Variants in TBC1D32 observed in about 807,000 individuals in gnomAD.
TBC1D32 encodes protein broad-minded.
In TBC1D32, 151 loss-of-function variants were observed where a neutral mutation model predicts 170.3. That is an observed-to-expected ratio of 0.89 (90% CI 0.78 to 1.01). TBC1D32 has a LOEUF of 1.01. TBC1D32 is among the 50% of genes least tolerant of loss of function. The probability of loss-of-function intolerance (pLI) is 0.00; values close to 1 mark genes in which losing one functional copy is unlikely to be tolerated. For synonymous variants in TBC1D32, 498 were observed against 488.0 expected (o/e 1.02, Z -0.27); for missense variants, 1,464 against 1,457.1 (o/e 1.00, Z -0.08).
chr6:121,232,615 T>C (rs1795887507), intron 20 of TBC1D32, among the ~76,000 whole-genome samples: 1 of 152,160 alleles, frequency 6.6e-6, no homozygotes, highest in South Asian at 2.1e-4. Flanking sequence ...TTTTGTAGTT[T>C]TCCCTGTAGA....
chr6:121,302,866 T>C (rs1563315129), intron 9 of TBC1D32, among the ~76,000 whole-genome samples: 1 of 152,126 alleles, frequency 6.6e-6, no homozygotes, highest in African/African-American at 2.4e-5. Flanking sequence ...GCATTTATGA[T>C]ACAACTTAGC....
intron 17 of TBC1D32, among the ~76,000 whole-genome samples, chr6:121,254,640 C>T: frequency 6.6e-6 from 1 of 151,924 alleles, no homozygotes; most frequent in Non-Finnish European, 1.5e-5. Context: ...GTAAGTTAAA[C>T]TATACCTACC....
At chr6:121,089,899 G>A (rs964475182) in intron 31 of TBC1D32, among the ~76,000 whole-genome samples, 29 of 151,864 alleles carry the variant, frequency 1.9e-4, no homozygotes, top group African/African-American at 7.0e-4. Flanking sequence ...GATGGCAAAG[G>A]TAGTAGGGAT....
At chr6:121,139,571 T>C (rs144508850) in intron 24 of TBC1D32, among the ~76,000 whole-genome samples, 94 of 152,256 alleles carry the variant, frequency 6.2e-4, no homozygotes, top group Non-Finnish European at 1.1e-3. Context: ...GAAAAATTGT[T>C]AAACAAAATC....
At chr6:121,103,358 G>T (rs190124612) in intron 30 of TBC1D32, among the ~76,000 whole-genome samples, 1 of 151,870 alleles carries the variant, frequency 6.6e-6, no homozygotes, top group African/African-American at 2.4e-5. Flanking sequence ...TGATAGACTC[G>T]ATTAGGAAAA....
intron 30 of TBC1D32, among the ~76,000 whole-genome samples, chr6:121,100,891 A>T (rs138969052): frequency 6.6e-6 from 1 of 151,966 alleles, no homozygotes; most frequent in Non-Finnish European, 1.5e-5. Flanking sequence ...GCAATAAAAA[A>T]TGATAAAGGG....
intron 15 of TBC1D32, among the ~76,000 whole-genome samples, chr6:121,265,654 T>C (rs1310738907): frequency 6.6e-6 from 1 of 151,682 alleles, no homozygotes; most frequent in Non-Finnish European, 1.5e-5. Flanking sequence ...TCTGGAGGCA[T>C]CATGCTACGT....
intron 22 of TBC1D32, among the ~76,000 whole-genome samples, chr6:121,195,260 T>C (rs1790579268): frequency 6.6e-6 from 1 of 152,198 alleles, no homozygotes; most frequent in Non-Finnish European, 1.5e-5. Context: ...GCAGATCCAA[T>C]GAGGCTTAAG....
chr6:121,236,710 C>A (rs763452608), intron 20 of TBC1D32, among the ~76,000 whole-genome samples: 21 of 152,112 alleles, frequency 1.4e-4, no homozygotes, highest in South Asian at 6.2e-4. Context: ...ATCCCTGTAA[C>A]CTTCTATTTG....
intron 2 of TBC1D32, among the ~76,000 whole-genome samples, chr6:121,319,797 G>A (rs1809445414): frequency 6.6e-6 from 1 of 152,088 alleles, no homozygotes; most frequent in Non-Finnish European, 1.5e-5. Context: ...TAAAAATAAT[G>A]TCATATCATC....
chr6:121,237,969 T>C (rs2093983328), intron 20 of TBC1D32, among the ~76,000 whole-genome samples: 1 of 152,104 alleles, frequency 6.6e-6, no homozygotes, highest in Non-Finnish European at 1.5e-5. Context: ...AAAGAGTACA[T>C]TAAAAAATAA....
At chr6:121,109,625 T>G (rs1236625233) in intron 29 of TBC1D32, among the ~76,000 whole-genome samples, 2 of 152,148 alleles carry the variant, frequency 1.3e-5, no homozygotes, top group Non-Finnish European at 2.9e-5. Flanking sequence ...AGAATAACTA[T>G]TTCAACATTT....
chr6:121,102,769 C>T (rs1351182254), intron 30 of TBC1D32, among the ~76,000 whole-genome samples: 1 of 152,050 alleles, frequency 6.6e-6, no homozygotes, highest in Non-Finnish European at 1.5e-5. Flanking sequence ...AGCTTCTGCA[C>T]AGCAAAAGAA....
intron 26 of TBC1D32, among the ~76,000 whole-genome samples, chr6:121,122,826 CAG>C (rs1256240685): frequency 6.6e-6 from 1 of 151,946 alleles, no homozygotes; most frequent in Non-Finnish European, 1.5e-5. Context: ...GTGTCTGGGA[CAG>C]GGGGTAGTTG....
At chr6:121,255,463 T>TTTATATTTTACAATTATATTTATAA (rs1798842448) in intron 16 of TBC1D32, 53 bp from the exon 17 acceptor site, 1 of 320,416 alleles carries the variant, frequency 3.1e-6, no homozygotes, top group African/African-American at 5.7e-5. Context: ...TAGCCATATA[T>TTTATATTTTACAATTATATTTATAA]TTATATTTTA....
At chr6:121,237,934 C>G (rs2128353133) in intron 20 of TBC1D32, among the ~76,000 whole-genome samples, 1 of 152,112 alleles carries the variant, frequency 6.6e-6, no homozygotes, top group Non-Finnish European at 1.5e-5. Context: ...CCATAGAGAT[C>G]CTGGATTCTA....
intron 21 of TBC1D32, among the ~76,000 whole-genome samples, chr6:121,214,689 G>T (rs1443805282): frequency 6.6e-6 from 1 of 152,176 alleles, no homozygotes; most frequent in African/African-American, 2.4e-5. Context: ...TGGGCTACAT[G>T]AAGGGCTAAA....
chr6:121,153,379 G>C (rs989171485), intron 24 of TBC1D32, among the ~76,000 whole-genome samples: 1 of 152,124 alleles, frequency 6.6e-6, no homozygotes, highest in Non-Finnish European at 1.5e-5. Flanking sequence ...TCGTCCCAGA[G>C]GGGCACCCAC....
intron 24 of TBC1D32, among the ~76,000 whole-genome samples, chr6:121,152,912 C>T (rs1324019289): frequency 6.6e-6 from 1 of 152,098 alleles, no homozygotes; most frequent in African/African-American, 2.4e-5. Context: ...AACCTTTTAT[C>T]AAGGTTCTTA....
Sources: allele counts gnomAD v4.1 joint callset (sites outside exome capture counted in the v4.1 genomes callset), GRCh38; gene constraint gnomAD v4.1.1; transcripts MANE v1.5; gene names NCBI Gene and HGNC (gene_info 2026-07-23, HGNC 2026-07-21).